PCDHGA4: variants seen among roughly 807,000 people sequenced by gnomAD.
PCDHGA4 encodes protocadherin gamma subfamily A, 4, also known as protocadherin gamma-A4.
PCDHGA4 carries 38 observed loss-of-function variants against 54.6 expected under a neutral mutation model. The observed-to-expected ratio is 0.70, with a 90% CI of 0.54 to 0.91. PCDHGA4 has a LOEUF of 0.91. Ranked by LOEUF, PCDHGA4 falls within the 40% of genes least tolerant of loss-of-function variation. PCDHGA4 has a pLI of 0.00. For missense variants in PCDHGA4, 1,298 were observed against 1,220.9 expected, an observed-to-expected ratio of 1.06 and a Z score of -0.94; for synonymous variants, 511 against 512.9, an observed-to-expected ratio of 1.00 and a Z score of 0.05.
intron 1 of PCDHGA4, chr5:141,376,645 T>A (rs1174597911): frequency 5.9e-6 from 6 of 1,010,322 alleles, no homozygotes; most frequent in Non-Finnish European, 7.1e-6. Context: ...TTTTGTAAAG[T>A]GGAAGACTCC....
Position 141,491,858 on chromosome 5 carries a change from A to G in PCDHGA4, c.2515-2949A>G, listed in dbSNP as rs17208425. 297,575 of 1,456,446 alleles carry G rather than the reference A, an allele frequency of 0.2. 31,644 individuals are homozygous for G. The highest frequency in any genetic ancestry group is 0.33 in the Admixed American group (11,758 of 35,494). 90.2% of individuals were successfully genotyped at this position (1,456,446 alleles called of 1,614,324 possible). On this transcript the variant is annotated intron_variant, in intron 1 of 3. Transcript: ENST00000571252. This position sits in a 1 kb window ranked among gnomAD's most constrained non-coding sequence, Gnocchi z 6.9. ...TCGGGATCATTGGACCGTTTGCGCG[A>G]AACCAGAGTGGCCGATTAAGGGATG... is the stretch of plus-strand genomic sequence containing the variant.
At chr5:141,377,830 G>A (rs981734715) in intron 1 of PCDHGA4, 2 of 152,172 alleles carry the variant, frequency 1.3e-5, no homozygotes, top group Admixed American at 6.5e-5. Flanking sequence ...AGTTACAATC[G>A]CCATTATCTT....
At chr5:141,470,599 C>T (rs967683467) in intron 1 of PCDHGA4, among the ~76,000 whole-genome samples, 12 of 152,194 alleles carry the variant, frequency 7.9e-5, no homozygotes, top group Non-Finnish European at 1.2e-4. Context: ...GCGACCTGTG[C>T]GGGGACACAG....
rs1453835891 is a variant in PCDHGA4 at position 141,477,494 on chromosome 5, T to G, written c.2515-17313T>G. On this transcript the variant is annotated intron_variant, in intron 1 of 3. Coordinates refer to ENST00000571252, the MANE Select transcript of PCDHGA4 (RefSeq NM_018917.4). The surrounding 1 kb of genome is among the most constrained non-coding windows in gnomAD (Gnocchi z 4.9). ...TGACAACCCTCCACAATCTTCTCAA[T>G]CTTCCTACGACGTTTACATTGAAGA... 1 of 1,614,088 alleles carries G rather than the reference T, an allele frequency of 6.2e-7. No individual in the cohort carries two copies.
In PCDHGA4 at chr5:141,408,459, T is replaced by A; in HGVS notation, c.2514+50838T>A. 5 of 1,613,950 alleles carry A rather than the reference T, an allele frequency of 3.1e-6. No homozygotes were observed. The East Asian group carries it at 1.1e-4, about 36-fold the overall frequency. Reference sequence around the variant, plus strand: ...GACGCGGAGAGCGGGGACTTACTTGTGAAGAACCGAATAGACCGTGAGCAA... The same window carrying A: ...GACGCGGAGAGCGGGGACTTACTTGAGAAGAACCGAATAGACCGTGAGCAA... On this transcript the variant is annotated intron_variant, in intron 1 of 3. Transcript: ENST00000571252.
intron 1 of PCDHGA4, chr5:141,385,537 T>A (rs1486400401): frequency 1.5e-6 from 2 of 1,341,418 alleles, no homozygotes; most frequent in Non-Finnish European, 1.9e-6. Flanking sequence ...ATTATGAATA[T>A]GTGGACTATC....
intron 1 of PCDHGA4, chr5:141,416,195 CAATT>C (rs1181982521): frequency 6.6e-6 from 1 of 152,322 alleles, no homozygotes; most frequent in African/African-American, 2.4e-5. Flanking sequence ...ATTGAATTAA[CAATT>C]TATTTATAAC....
At chr5:141,395,542 TTGTGTGTGTGTGTGTGTGTGTG>T (rs55729045) in intron 1 of PCDHGA4, 19 of 172,620 alleles carry the variant, frequency 1.1e-4, no homozygotes, top group Admixed American at 1.0e-3. Context: ...TTGCTATTGT[TTGTGTGTGTGTGTGTGTGTGTG>T]TGTGTGTGTG....
chr5:141,386,950 A>G (rs538175836), intron 1 of PCDHGA4, among the ~76,000 whole-genome samples: 1 of 152,246 alleles, frequency 6.6e-6, no homozygotes, highest in African/African-American at 2.4e-5. Flanking sequence ...GCAGTGCTTC[A>G]GTGCAGCAGA....
At chr5:141,387,529 T>C (rs933925608) in intron 1 of PCDHGA4, among the ~76,000 whole-genome samples, 2 of 152,236 alleles carry the variant, frequency 1.3e-5, no homozygotes, top group East Asian at 1.9e-4. Flanking sequence ...TACAGACGTA[T>C]CCACGTAGTT....
At chr5:141,395,078 G>T (rs756312673) in intron 1 of PCDHGA4, 3 of 1,614,126 alleles carry the variant, frequency 1.9e-6, no homozygotes, top group South Asian at 1.1e-5. Context: ...CCTATTCCCA[G>T]GAAGTCTCCC....
At position 141,490,357 on chromosome 5, in the gene PCDHGA4, A is replaced by G; in HGVS notation, c.2515-4450A>G. ...AGTGGGCACAGTAGTGGGGTTGTTT[A>G]ATGTGCGAGACCGGGACTCAGGTAG... On this transcript the variant is annotated intron_variant, in intron 1 of 3. Transcript: ENST00000571252. This position sits in a 1 kb window ranked among gnomAD's most constrained non-coding sequence, Gnocchi z 5.4. The G allele has an allele frequency of 6.2e-7, 1 of 1,614,178 alleles. No individual in the cohort carries two copies. The highest frequency in any genetic ancestry group is 8.5e-7 in the Non-Finnish European group (1 of 1,180,030).
rs756237595 is a variant in PCDHGA4, at chr5:141,398,946, C to T, written c.2514+41325C>T. The T allele has an allele frequency of 1.9e-6, 3 of 1,613,830 alleles. No individual in the cohort carries two copies. The Admixed American group carries it at 5.0e-5, about 27-fold the overall frequency. ...CAGCCACTGACCAAGACGAGGGCAT[C>T]AACTCAGAAATTACTTATTCCTTCT... On this transcript the variant is annotated intron_variant, in intron 1 of 3. Coordinates refer to ENST00000571252, the MANE Select transcript of PCDHGA4 (RefSeq NM_018917.4).
At position 141,423,482 on chromosome 5, in the gene PCDHGA4, A is replaced by T. The variant is rs553914622; in HGVS notation, c.2514+65861A>T. On this transcript the variant is annotated intron_variant, in intron 1 of 3. Transcript: ENST00000571252. ...GTGGACGGGGTACAGGCTTTCCTGC[A>T]AACCTATTCCCACGAGGTCTCTCTC... is the stretch of plus-strand genomic sequence containing the variant. 1.1e-5 allele frequency: 17 copies of T among 1,613,968 alleles called. No homozygotes were observed. The African/African-American group carries it at 2.3e-4, about 22-fold the overall frequency.
chr5:141,359,959 G>A (rs1257380255), intron 1 of PCDHGA4: 4 of 590,976 alleles, frequency 6.8e-6, no homozygotes, highest in South Asian at 5.4e-5. Context: ...AAAGAACGAA[G>A]AGAAGCGTTT....
intron 1 of PCDHGA4, chr5:141,405,435 T>TAG: frequency 6.8e-7 from 1 of 1,463,324 alleles, no homozygotes; most frequent in Non-Finnish European, 9.3e-7. Flanking sequence ...TTGTTTTGTT[T>TAG]TTGAGACAGA....
At chr5:141,455,837 AT>A (rs2098833014) in intron 1 of PCDHGA4, among the ~76,000 whole-genome samples, 2 of 151,422 alleles carry the variant, frequency 1.3e-5, no homozygotes, top group African/African-American at 4.8e-5. Context: ...TTTCCTGTCT[AT>A]CTGCATAAAA....
intron 1 of PCDHGA4, chr5:141,390,048 T>C (rs1307418187): frequency 1.2e-6 from 2 of 1,613,948 alleles, no homozygotes; most frequent in African/African-American, 1.3e-5. Context: ...CCCCGCCTCC[T>C]GGAGCTGCTT....
intron 1 of PCDHGA4, chr5:141,362,228 T>G: frequency 6.2e-7 from 1 of 1,614,028 alleles, no homozygotes; most frequent in Non-Finnish European, 8.5e-7. Context: ...GCCTTGGCCT[T>G]GATCTCAGTG....
Sources: gnomAD v4.1 joint callset for allele counts (sites outside exome capture counted in the v4.1 genomes callset) on GRCh38, gnomAD v4.1.1 for gene constraint, Gnocchi (gnomAD v3.1) non-coding constraint, MANE v1.5 for transcripts, NCBI Gene and HGNC (gene_info 2026-07-23, HGNC 2026-07-21) for gene names.